Variants in MAST4 observed in about 807,000 individuals in gnomAD.
The protein encoded by MAST4 is microtubule associated serine/threonine kinase family member 4.
In MAST4, 89 loss-of-function variants were observed where a neutral mutation model predicts 162.7. That is an observed-to-expected ratio of 0.55 (90% confidence interval 0.46 to 0.65). The LOEUF (loss-of-function observed/expected upper bound fraction) is 0.65. Ranked by LOEUF, MAST4 falls within the 30% of genes least tolerant of loss-of-function variation. The pLI is 0.00. For missense variants in MAST4, 3,153 were observed against 3,374.0 expected (o/e 0.93, Z 1.62); for synonymous variants, 1,479 against 1,361.1 (o/e 1.09, Z -1.91).
At chr5:66,864,376 C>T (rs1351818493) in intron 3 of MAST4, among the ~76,000 whole-genome samples, 4 of 151,970 alleles carry the variant, frequency 2.6e-5, no homozygotes, top group Non-Finnish European at 5.9e-5. Context: ...TTGGGAACAG[C>T]GCAAAGACCA....
chr5:66,946,618 A>T (rs768145424), intron 4 of MAST4, among the ~76,000 whole-genome samples: 4 of 152,184 alleles, frequency 2.6e-5, no homozygotes, highest in Non-Finnish European at 5.9e-5. Flanking sequence ...AAAGGTTGTC[A>T]TGGGTTTTGC....
chr5:66,797,455 A>G (rs1242797218), intron 3 of MAST4, among the ~76,000 whole-genome samples: 1 of 152,198 alleles, frequency 6.6e-6, no homozygotes, highest in Non-Finnish European at 1.5e-5. Context: ...TTGGCACCTG[A>G]AGCTTCAGTC....
chr5:66,891,015 G>T (rs1762329451), intron 3 of MAST4, among the ~76,000 whole-genome samples: 1 of 152,184 alleles, frequency 6.6e-6, no homozygotes, highest in South Asian at 2.1e-4. Flanking sequence ...AGTGGAAAAG[G>T]TGGTTGTCAT....
At chr5:66,758,388 TAGA>T in intron 1 of MAST4, among the ~76,000 whole-genome samples, 1 of 151,566 alleles carries the variant, frequency 6.6e-6, no homozygotes, top group African/African-American at 2.4e-5. Flanking sequence ...ATTAAATAAA[TAGA>T]AATAAATATT....
chr5:66,968,540 A>G (rs1047827569), intron 4 of MAST4, among the ~76,000 whole-genome samples: 10 of 152,308 alleles, frequency 6.6e-5, no homozygotes, highest in Admixed American at 5.9e-4. Context: ...TTTTTCACAC[A>G]TATATCCACA....
chr5:66,964,590 A>G (rs1746447132), intron 4 of MAST4, among the ~76,000 whole-genome samples: 1 of 152,194 alleles, frequency 6.6e-6, no homozygotes, highest in African/African-American at 2.4e-5. Context: ...TCACGAAGTC[A>G]GGAGATTGAG....
intron 4 of MAST4, among the ~76,000 whole-genome samples, chr5:67,034,814 T>C (rs1755803893): frequency 6.6e-6 from 1 of 152,210 alleles, no homozygotes. Context: ...TTTATTATTT[T>C]AGAGTAGCTG....
intron 1 of MAST4, among the ~76,000 whole-genome samples, chr5:66,740,380 G>A (rs1012711476): frequency 6.6e-6 from 1 of 152,152 alleles, no homozygotes; most frequent in African/African-American, 2.4e-5. Context: ...GTTTGCTGTG[G>A]AGACTCCTCA....
Position 67,138,283 on chromosome 5 carries a change from C to T in MAST4, c.2494+1619C>T, listed in dbSNP as rs956233242. Among the ~76,000 whole-genome samples the T allele has an allele frequency of 3.9e-5, 6 of 152,200 alleles. 1 individual carries two copies. In the South Asian group the frequency reaches 1.2e-3, roughly 31 times the overall value. On this transcript the variant is annotated intron_variant, in intron 19 of 28. Coordinates refer to ENST00000403625, the MANE Select transcript of MAST4 (RefSeq NM_001164664.2). ...AAAACATTTCCTCCAGAGTCATCTG[C>T]CTCATTAACAAGTTTTATCTTAGAA...
intron 1 of MAST4, among the ~76,000 whole-genome samples, chr5:66,712,419 A>G (rs1356493529): frequency 2.0e-5 from 3 of 152,176 alleles, no homozygotes; most frequent in African/African-American, 2.4e-5. Context: ...GATCCTTTGT[A>G]TGTATTCCAG....
At chr5:67,121,538 G>C (rs1767588726) in intron 14 of MAST4, among the ~76,000 whole-genome samples, 1 of 151,776 alleles carries the variant, frequency 6.6e-6, no homozygotes, top group Admixed American at 6.6e-5. Flanking sequence ...ACAACCTTAA[G>C]ATAAATGTCT....
intron 5 of MAST4, among the ~76,000 whole-genome samples, chr5:67,061,624 T>C (rs918306536): frequency 6.6e-6 from 1 of 152,092 alleles, no homozygotes; most frequent in Admixed American, 6.5e-5. Flanking sequence ...TTTGTTGTTA[T>C]GTATAGTTGT....
intron 4 of MAST4, among the ~76,000 whole-genome samples, chr5:66,992,454 A>G (rs1750166450): frequency 6.7e-6 from 1 of 148,184 alleles, no homozygotes; most frequent in African/African-American, 2.5e-5. Context: ...ATCATCTACT[A>G]AACTCAGACT....
intron 1 of MAST4, among the ~76,000 whole-genome samples, chr5:66,610,052 CAAAGGGCAAAAACTGCAATTA>C: frequency 6.6e-6 from 1 of 151,912 alleles, no homozygotes; most frequent in East Asian, 2.0e-4. Context: ...CAGTTTTTGC[CAAAGGGCAAAAACTGCAATTA>C]CTTTTGCACC....
chr5:66,763,840 G>A (rs1052696544), intron 2 of MAST4, among the ~76,000 whole-genome samples: 5 of 152,122 alleles, frequency 3.3e-5, no homozygotes, highest in African/African-American at 1.2e-4. Context: ...CTTCTGATGG[G>A]TTTATCTGGA....
chr5:67,152,656 T>G lies in MAST4; in HGVS notation c.3315T>G (p.Pro1105=), dbSNP rs772502676. ...TTACAGATATGTTTGCTGTTTCCCC[T>G]CTGGGAAGTCCAATGTCTCCCCATT... is the stretch of plus-strand genomic sequence containing the variant. ...MIPGDMFAVS[P]LGSPMSPHSL... The change falls in exon 25 of 29, where the codon CCT becomes CCG. Residue 1105 remains proline, a synonymous_variant. Coordinates refer to ENST00000403625, the MANE Select transcript of MAST4 (RefSeq NM_001164664.2). 9 of 1,613,932 alleles carry G rather than the reference T, an allele frequency of 5.6e-6. No individual in the cohort carries two copies. Among genetic ancestry groups the G allele is most frequent in the Non-Finnish European group, 6.8e-6 (8 of 1,179,796 alleles).
intron 16 of MAST4, among the ~76,000 whole-genome samples, chr5:67,133,036 G>GT (rs1455576817): frequency 2.6e-5 from 4 of 152,024 alleles, no homozygotes; most frequent in Non-Finnish European, 4.4e-5. Context: ...AGAAATATAG[G>GT]TTTTGTGCTT....
chr5:67,164,063 G>A lies in MAST4; in HGVS notation c.4884G>A (p.Glu1628=). Residue 1628 remains glutamate (E), a synonymous_variant, in exon 29 of 29, where the codon GAG becomes GAA. Transcript: ENST00000403625. This position sits in a 1 kb window ranked among gnomAD's most constrained non-coding sequence, Gnocchi z 5.3. ...GAMSDGRVPA[E]HRQGGGDFRR... is the part of the protein sequence containing the mutation. ...TGTCGGATGGCCGGGTGCCTGCGGA[G>A]CACCGCCAGGGTGGCGGGGACTTCA... 6.4e-7 allele frequency: 1 copy of A among 1,568,182 alleles called. No homozygotes were observed. The highest frequency in any genetic ancestry group is 1.9e-5 in the Admixed American group (1 of 53,762).
At chr5:66,783,071 T>TTAAC (rs1754951573) in intron 2 of MAST4, among the ~76,000 whole-genome samples, 1 of 152,224 alleles carries the variant, frequency 6.6e-6, no homozygotes, top group South Asian at 2.1e-4. Context: ...ATGTGTTGTA[T>TTAAC]TAACAGACCC....
Sources: gnomAD v4.1 joint callset for allele counts (sites outside exome capture counted in the v4.1 genomes callset) on GRCh38, gnomAD v4.1.1 for gene constraint, Gnocchi (gnomAD v3.1) non-coding constraint, MANE v1.5 for transcripts, NCBI Gene and HGNC (gene_info 2026-07-23, HGNC 2026-07-21) for gene names.